Variants in NR5A2 observed in about 807,000 individuals in gnomAD.
NR5A2 encodes nuclear receptor subfamily 5 group A member 2.
NR5A2 carries 26 observed loss-of-function variants against 62.7 expected under a neutral mutation model. The ratio of observed to expected loss-of-function variants is 0.41; its 90% CI spans 0.30 to 0.58. The LOEUF is 0.58. NR5A2 is among the 20% of genes least tolerant of loss of function. The pLI is 0.22. For synonymous variants in NR5A2, 246 were observed against 241.7 expected, an observed-to-expected ratio of 1.02 and a Z score of -0.16; for missense variants, 541 against 669.1, an observed-to-expected ratio of 0.81 and a Z score of 2.11.
intron 2 of NR5A2, among the ~76,000 whole-genome samples, chr1:200,043,431 G>A (rs1662211822): frequency 1.3e-5 from 2 of 152,200 alleles, no homozygotes; most frequent in Non-Finnish European, 2.9e-5. Flanking sequence ...ACTTCATAGG[G>A]ATTTAAAAGA....
chr1:200,053,569 G>GCACACACACACACACACACA (rs34611924), intron 5 of NR5A2, among the ~76,000 whole-genome samples: 2 of 141,994 alleles, frequency 1.4e-5, no homozygotes, highest in Non-Finnish European at 3.0e-5. Context: ...GCATGCACAC[G>GCACACACACACACACACACA]CACACACACA....
chr1:200,169,075 C>T (rs934508768), intron 7 of NR5A2, among the ~76,000 whole-genome samples: 3 of 151,868 alleles, frequency 2.0e-5, no homozygotes, highest in Non-Finnish European at 4.4e-5. Flanking sequence ...TAATTAATCC[C>T]AGATAACTCC....
intron 2 of NR5A2, among the ~76,000 whole-genome samples, chr1:200,042,471 T>C (rs180871444): frequency 5.6e-4 from 85 of 152,348 alleles, no homozygotes; most frequent in Non-Finnish European, 1.1e-3. Flanking sequence ...GGGGGCTATT[T>C]CTCTTTCCTT....
rs746910295 is a variant in NR5A2 at position 200,039,768 on chromosome 1, C to G, written c.175C>G (p.Gln59Glu). ...GGGACTGGCTCGATCGCATGGGGAA[C>G]AGGGCCAGATGCCGGAAAACATGCA... ...ALGLARSHGE[Q>E]GQMPENMQVS... Residue 59 changes from glutamine (Q) to glutamate (E), a missense_variant, in exon 2 of 8, where the codon CAG becomes GAG. Transcript: ENST00000367362. The surrounding 1 kb of genome is among the most constrained non-coding windows in gnomAD (Gnocchi z 5.1). The G allele has an allele frequency of 6.2e-7, 1 of 1,609,126 alleles. No individual in the cohort carries two copies. The highest frequency in any genetic ancestry group is 8.5e-7 in the Non-Finnish European group (1 of 1,178,024).
At chr1:200,148,621 A>G (rs899182258) in intron 7 of NR5A2, among the ~76,000 whole-genome samples, 1 of 152,274 alleles carries the variant, frequency 6.6e-6, no homozygotes, top group Non-Finnish European at 1.5e-5. Flanking sequence ...AGTCAAAAAT[A>G]AAGAAGTTAA....
chr1:200,077,729 C>CAA, intron 5 of NR5A2, among the ~76,000 whole-genome samples: 1 of 151,490 alleles, frequency 6.6e-6, no homozygotes, highest in Non-Finnish European at 1.5e-5. Context: ...GAAACAAAAA[C>CAA]AAACAAACTG....
At chr1:200,043,161 A>G (rs963471045) in intron 2 of NR5A2, among the ~76,000 whole-genome samples, 5 of 152,230 alleles carry the variant, frequency 3.3e-5, no homozygotes, top group African/African-American at 9.6e-5. Flanking sequence ...TCCAGAATAG[A>G]AAAGTACTGT....
At chr1:200,047,083 C>T (rs1422074663) in intron 4 of NR5A2, among the ~76,000 whole-genome samples, 1 of 152,146 alleles carries the variant, frequency 6.6e-6, no homozygotes, top group Non-Finnish European at 1.5e-5. Flanking sequence ...AACTTAACCT[C>T]CAGCAAGTTC....
At chr1:200,041,712 CAGAGCATCTGG>C (rs931869298) in intron 2 of NR5A2, among the ~76,000 whole-genome samples, 1 of 152,184 alleles carries the variant, frequency 6.6e-6, no homozygotes, top group Non-Finnish European at 1.5e-5. Flanking sequence ...TCGGCTGCAC[CAGAGCATCTGG>C]GAAACTCTGA....
chr1:200,069,475 AG>A (rs1457413187), intron 5 of NR5A2, among the ~76,000 whole-genome samples: 2 of 152,070 alleles, frequency 1.3e-5, no homozygotes, highest in African/African-American at 2.4e-5. Context: ...TGGTCAGGCC[AG>A]TCTCAAACCT....
intron 6 of NR5A2, among the ~76,000 whole-genome samples, chr1:200,115,598 A>C (rs1666178705): frequency 6.6e-6 from 1 of 152,174 alleles, no homozygotes; most frequent in Non-Finnish European, 1.5e-5. Context: ...ATGTAAGGGG[A>C]AAAACATTAG....
intron 6 of NR5A2, among the ~76,000 whole-genome samples, chr1:200,118,408 T>C (rs1236829891): frequency 6.6e-6 from 1 of 152,218 alleles, no homozygotes; most frequent in Non-Finnish European, 1.5e-5. Context: ...ATTGTTAATC[T>C]TGTCCCATCT....
chr1:200,059,923 C>T (rs1258730030), intron 5 of NR5A2, among the ~76,000 whole-genome samples: 1 of 152,188 alleles, frequency 6.6e-6, no homozygotes, highest in Non-Finnish European at 1.5e-5. Flanking sequence ...AAACCACCCA[C>T]AGCCAAGAAC....
intron 5 of NR5A2, among the ~76,000 whole-genome samples, chr1:200,053,550 T>TCC (rs144983421): frequency 9.3e-6 from 1 of 107,146 alleles, no homozygotes; most frequent in Non-Finnish European, 1.9e-5. Context: ...CATTCCCTCA[T>TCC]CCCCCCCAGC....
At chr1:200,128,987 T>C (rs1207193273) in intron 7 of NR5A2, among the ~76,000 whole-genome samples, 1 of 152,232 alleles carries the variant, frequency 6.6e-6, no homozygotes, top group Non-Finnish European at 1.5e-5. Context: ...GCTTTGACAT[T>C]TAAAGAAATA....
chr1:200,058,792 T>C (rs961648513), intron 5 of NR5A2, among the ~76,000 whole-genome samples: 2 of 146,214 alleles, frequency 1.4e-5, no homozygotes, highest in African/African-American at 5.4e-5. Flanking sequence ...TTTTGTTTTT[T>C]GTTTTTGTTT....
intron 5 of NR5A2, among the ~76,000 whole-genome samples, chr1:200,070,120 G>A (rs1282523476): frequency 6.6e-6 from 1 of 152,036 alleles, no homozygotes; most frequent in Non-Finnish European, 1.5e-5. Context: ...AATTGTGCAG[G>A]GTAGTAGTTT....
intron 5 of NR5A2, among the ~76,000 whole-genome samples, chr1:200,097,347 TCTC>T (rs1665148956): frequency 1.3e-5 from 2 of 152,232 alleles, no homozygotes; most frequent in African/African-American, 4.8e-5. Context: ...TACAGTTCTG[TCTC>T]TCTCCCTTCT....
chr1:200,170,987 C>T (rs1047605313), intron 7 of NR5A2, among the ~76,000 whole-genome samples: 4 of 152,282 alleles, frequency 2.6e-5, no homozygotes, highest in African/African-American at 7.2e-5. Context: ...AAGGAGTTAC[C>T]GGTGTATTCC....
Sources: allele counts gnomAD v4.1 joint callset (sites outside exome capture counted in the v4.1 genomes callset), GRCh38; gene constraint gnomAD v4.1.1; non-coding constraint Gnocchi (gnomAD v3.1); transcripts MANE v1.5; gene names NCBI Gene and HGNC (gene_info 2026-07-23, HGNC 2026-07-21).